DMXL1: variants seen among roughly 807,000 people sequenced by gnomAD.
DMXL1 encodes the protein Dmx like 1.
A neutral mutation model predicts 319.2 loss-of-function variants in DMXL1; 99 were observed. That is an observed-to-expected ratio of 0.31 (90% CI 0.26 to 0.37). DMXL1 has a LOEUF of 0.37. DMXL1 is among the 10% of genes least tolerant of loss of function. DMXL1 has a pLI of 1.00. For missense variants in DMXL1, 3,745 were observed against 3,595.6 expected, an observed-to-expected ratio of 1.04 and a Z score of -1.06; for synonymous variants, 1,385 against 1,235.2, an observed-to-expected ratio of 1.12 and a Z score of -2.54.
chr5:119,215,861 C>A (rs1783588528), intron 34 of DMXL1, among the ~76,000 whole-genome samples: 1 of 151,922 alleles, frequency 6.6e-6, no homozygotes, highest in South Asian at 2.1e-4. Flanking sequence ...TTTGGGAGGC[C>A]AAGGTGGCCA....
At chr5:119,123,588 A>T (rs1762800498) in intron 9 of DMXL1, among the ~76,000 whole-genome samples, 1 of 152,148 alleles carries the variant, frequency 6.6e-6, no homozygotes, top group Non-Finnish European at 1.5e-5. Flanking sequence ...GTTCATTATT[A>T]GTTTATTCAA....
At chr5:119,181,052 G>A (rs1315111023) in intron 28 of DMXL1, among the ~76,000 whole-genome samples, 1 of 152,052 alleles carries the variant, frequency 6.6e-6, no homozygotes. Context: ...GTTGATCTTT[G>A]TATAAGGTTG....
chr5:119,111,631 A>G (rs905857513), intron 5 of DMXL1, among the ~76,000 whole-genome samples: 8 of 152,240 alleles, frequency 5.3e-5, no homozygotes, highest in African/African-American at 1.9e-4. Context: ...TTCTAACCGT[A>G]TCAATAAAAC....
chr5:119,202,251 G>T (rs1282337494), intron 32 of DMXL1, among the ~76,000 whole-genome samples: 1 of 152,276 alleles, frequency 6.6e-6, no homozygotes, highest in East Asian at 1.9e-4. Flanking sequence ...ATGTCCCAGA[G>T]ATTTTGCTAA....
chr5:119,167,567 C>G, intron 22 of DMXL1, 36 bp from the exon 23 acceptor site: 1 of 1,507,756 alleles, frequency 6.6e-7, no homozygotes, highest in Non-Finnish European at 8.9e-7. Flanking sequence ...ATGAAACCTG[C>G]TCCTGCTTAT....
chr5:119,220,752 G>C (rs1159401671), intron 36 of DMXL1, among the ~76,000 whole-genome samples, 159 bp downstream of exon 36: 2 of 152,186 alleles, frequency 1.3e-5, no homozygotes, highest in African/African-American at 2.4e-5. Context: ...TTAAATAAGG[G>C]AACTGAGAGA....
intron 34 of DMXL1, among the ~76,000 whole-genome samples, chr5:119,208,308 G>A (rs574013463): frequency 5.9e-5 from 9 of 151,544 alleles, no homozygotes; most frequent in African/African-American, 2.2e-4. Flanking sequence ...CCGCCTCCCG[G>A]GTTCAAGCGA....
At chr5:119,119,141 C>CA (rs1761480507) in intron 8 of DMXL1, 137 bp downstream of exon 8, 1 of 536,580 alleles carries the variant, frequency 1.9e-6, no homozygotes, top group Non-Finnish European at 3.1e-6. Flanking sequence ...CTATTTGGTT[C>CA]AAAAAACATA....
At chr5:119,094,468 C>T (rs1176986144) in intron 1 of DMXL1, among the ~76,000 whole-genome samples, 4 of 152,228 alleles carry the variant, frequency 2.6e-5, no homozygotes, top group East Asian at 1.9e-4. Flanking sequence ...CAAAATATTG[C>T]TGTTCATTGA....
rs146550962 is a variant in DMXL1, at chr5:119,205,159, A to T, written c.7864-1675A>T. 3.7e-3 allele frequency among the ~76,000 whole-genome samples: 556 copies of T among 152,040 alleles called. 3 individuals are homozygous for T. The highest frequency in any genetic ancestry group is 0.013 in the African/African-American group (542 of 41,368). ...TCATTTGTTTATTTGATCTTTTTTTAAAAAAATTGACATATTTGATTAATC... is the reference window on the plus strand; with the variant it reads ...TCATTTGTTTATTTGATCTTTTTTTTAAAAAATTGACATATTTGATTAATC... On this transcript the variant is annotated intron_variant, in intron 33 of 43. Transcript: ENST00000539542.
chr5:119,112,886 G>T (rs114752928), intron 5 of DMXL1, among the ~76,000 whole-genome samples: 5,549 of 151,340 alleles, frequency 0.037, 146 homozygotes, highest in Middle Eastern at 0.066. Context: ...GAACCCGGTG[G>T]TGGAGGTTAC....
chr5:119,142,821 TGTG>T (rs1767711322), intron 13 of DMXL1, among the ~76,000 whole-genome samples: 2 of 151,958 alleles, frequency 1.3e-5, no homozygotes, highest in South Asian at 2.1e-4. Flanking sequence ...ATTAAGAAAA[TGTG>T]GTACATACAC....
At chr5:119,144,729 C>T in intron 15 of DMXL1, 91 bp downstream of exon 15, 1 of 742,602 alleles carries the variant, frequency 1.3e-6, no homozygotes, top group South Asian at 3.0e-5. Flanking sequence ...TTTACATTGT[C>T]TATTTGAAGT....
intron 43 of DMXL1, 99 bp downstream of exon 43, chr5:119,244,675 A>G (rs1789429941): frequency 8.8e-6 from 7 of 795,874 alleles, no homozygotes; most frequent in Non-Finnish European, 1.4e-5. Context: ...AATAATAGTT[A>G]TATTAATTCC....
In DMXL1 at chr5:119,231,911, G is replaced by A. The variant is rs114821887; in HGVS notation, c.8339-1429G>A. Among the ~76,000 whole-genome samples the A allele has an allele frequency of 4.8e-3, 729 of 152,224 alleles. 9 individuals carry two copies. The highest frequency in any genetic ancestry group is 0.017 in the African/African-American group (688 of 41,526). ...CATTGAATTGAGTTTTGATTTGCTC[G>A]TATAGGCATGCAAGGCCCTGGAGCT... On this transcript the variant is annotated intron_variant, in intron 38 of 43. Coordinates refer to ENST00000539542, the MANE Select transcript of DMXL1 (RefSeq NM_001290321.3).
chr5:119,132,795 A>G, intron 10 of DMXL1: 2 of 552,556 alleles, frequency 3.6e-6, no homozygotes, highest in Admixed American at 2.0e-5. Context: ...ACTACTTGGT[A>G]GGTGTTATGG....
chr5:119,147,621 T>C, intron 17 of DMXL1, 151 bp downstream of exon 17: 1 of 544,286 alleles, frequency 1.8e-6, no homozygotes, highest in South Asian at 3.1e-5. Flanking sequence ...GACTTATAGT[T>C]CTCATTATGT....
intron 9 of DMXL1, among the ~76,000 whole-genome samples, chr5:119,122,384 C>T (rs1296583517): frequency 2.8e-4 from 42 of 147,484 alleles, no homozygotes; most frequent in East Asian, 6.3e-4. Context: ...CCAGTAGGGG[C>T]GACCGGGCAG....
chr5:119,203,916 A>G (rs1187516821), intron 33 of DMXL1, among the ~76,000 whole-genome samples: 3 of 152,082 alleles, frequency 2.0e-5, no homozygotes, highest in Non-Finnish European at 4.4e-5. Context: ...CGCACCTCCC[A>G]GGTTCACACC....
Sources: allele counts gnomAD v4.1 joint callset (sites outside exome capture counted in the v4.1 genomes callset), GRCh38; gene constraint gnomAD v4.1.1; transcripts MANE v1.5; gene names NCBI Gene and HGNC (gene_info 2026-07-23, HGNC 2026-07-21).